Variants in SLC7A14 observed in about 807,000 individuals in gnomAD.
SLC7A14 encodes the protein gamma-aminobutyric acid transporter SLC7A14.
SLC7A14 carries 37 observed loss-of-function variants against 60.2 expected under a neutral mutation model. The observed-to-expected ratio is 0.61, with a 90% CI of 0.47 to 0.81. The LOEUF (loss-of-function observed/expected upper bound fraction) is 0.81. Among genes scored for constraint, SLC7A14 ranks in the 30% least tolerant of loss-of-function variants. The probability of loss-of-function intolerance (pLI) is 0.00; values close to 1 mark genes in which losing one functional copy is unlikely to be tolerated. For missense variants in SLC7A14, 886 were observed against 982.7 expected (o/e 0.90, Z 1.32); for synonymous variants, 399 against 395.8 (o/e 1.01, Z -0.10).
intron 2 of SLC7A14, among the ~76,000 whole-genome samples, chr3:170,503,474 A>G (rs757720766): frequency 2.6e-5 from 4 of 152,154 alleles, no homozygotes; most frequent in Non-Finnish European, 4.4e-5. Flanking sequence ...GTTTGCACAT[A>G]CGGATTAGGT....
chr3:170,480,926 C>T lies in SLC7A14; in HGVS notation c.1356G>A (p.Lys452=), dbSNP rs1210972148. ...KFLSEEHTKK[K]EGILADCEKE... ...TCTCACAGTCAGCCAGAATGCCCTC[C>T]TTCTTCTTGGTGTGCTCCTCAGACA... Residue 452 remains lysine (K), a synonymous_variant, in exon 7 of 8, where the codon AAG becomes AAA. Coordinates refer to ENST00000231706, the MANE Select transcript of SLC7A14 (RefSeq NM_020949.3). 1.9e-6 allele frequency: 3 copies of T among 1,613,902 alleles called. No individual in the cohort carries two copies. Among genetic ancestry groups the T allele is most frequent in the African/African-American group, 2.7e-5 (2 of 74,880 alleles).
intron 4 of SLC7A14, chr3:170,496,220 C>T: frequency 1.1e-6 from 1 of 925,318 alleles, no homozygotes; most frequent in East Asian, 2.4e-5. Flanking sequence ...TCGCTGAGGT[C>T]AAGGCACAGT....
At position 170,483,474 on chromosome 3, in the gene SLC7A14, C is replaced by T. The variant is rs759768867; in HGVS notation, c.955G>A (p.Glu319Lys). The change falls in exon 6 of 8, where the codon GAA becomes AAA. Residue 319 changes from glutamate (E) to lysine (K), a missense_variant. Coordinates refer to ENST00000231706, the MANE Select transcript of SLC7A14 (RefSeq NM_020949.3). ...LMVPYYTIDT[E>K]SPLMEMFVAH... ...ACAAACATCTCCATGAGTGGGGATTCCGTGTCAATGGTATAATATGGCACC... is the reference window on the plus strand; with the variant it reads ...ACAAACATCTCCATGAGTGGGGATTTCGTGTCAATGGTATAATATGGCACC... 1.1e-5 allele frequency: 17 copies of T among 1,614,066 alleles called. No homozygotes were observed. Among genetic ancestry groups the T allele is most frequent in the Admixed American group, 1.7e-5 (1 of 59,994 alleles).
chr3:170,556,866 G>C (rs1417679262), intron 1 of SLC7A14, among the ~76,000 whole-genome samples: 1 of 152,162 alleles, frequency 6.6e-6, no homozygotes, highest in Non-Finnish European at 1.5e-5. Flanking sequence ...ATTATTTCAA[G>C]ATCTACGTTA....
chr3:170,526,614 C>G lies in SLC7A14; in HGVS notation c.304+19G>C. ...GTAAGCACACTTTCCACAGTACTTC[C>G]CTGCATGGAGACACTTACCTGATAA... is the stretch of plus-strand genomic sequence containing the variant. On this transcript the variant is annotated intron_variant, in intron 2 of 7. Coordinates refer to ENST00000231706, the MANE Select transcript of SLC7A14 (RefSeq NM_020949.3). 1.2e-6 allele frequency: 2 copies of G among 1,610,712 alleles called. No individual in the cohort carries two copies. Among genetic ancestry groups the G allele is most frequent in the Non-Finnish European group, 1.7e-6 (2 of 1,178,572 alleles).
chr3:170,570,904 A>T (rs1577571520), intron 1 of SLC7A14, among the ~76,000 whole-genome samples: 1 of 151,986 alleles, frequency 6.6e-6, no homozygotes, highest in African/African-American at 2.4e-5. Context: ...TAAATTGTGT[A>T]GTGGTGAGGT....
In SLC7A14 at chr3:170,532,713, C is replaced by G. The variant is rs1713717329; in HGVS notation, c.-152-5625G>C. The stretch of plus-strand genomic sequence containing the variant: ...GTTGTTGTTCCCTGCTACTGACACC[C>G]TTCCCACCACCTTCACCTCCTTAGG... On this transcript the variant is annotated intron_variant, in intron 1 of 7. Coordinates refer to ENST00000231706, the MANE Select transcript of SLC7A14 (RefSeq NM_020949.3). The surrounding 1 kb of genome is among the most constrained non-coding windows in gnomAD (Gnocchi z 4.0). 6.6e-6 allele frequency among the ~76,000 whole-genome samples: 1 copy of G among 151,990 alleles called. No homozygotes were observed. The highest frequency in any genetic ancestry group is 1.5e-5 in the Non-Finnish European group (1 of 67,992).
chr3:170,474,912 A>G (rs76772421), intron 7 of SLC7A14, among the ~76,000 whole-genome samples: 1,729 of 152,324 alleles, frequency 0.011, 15 homozygotes, highest in African/African-American at 0.024. Context: ...AGGTGGTTAC[A>G]TTATAATAAA....
chr3:170,495,852 G>T, intron 4 of SLC7A14: 1 of 1,182,006 alleles, frequency 8.5e-7, no homozygotes. Context: ...CAACGTATTT[G>T]AGAGCTACAT....
At chr3:170,578,603 C>T (rs1051161203) in intron 1 of SLC7A14, among the ~76,000 whole-genome samples, 1 of 152,110 alleles carries the variant, frequency 6.6e-6, no homozygotes, top group East Asian at 1.9e-4. Flanking sequence ...GCATTACCAA[C>T]CTTATAAAGT....
At chr3:170,501,475 A>T in intron 2 of SLC7A14, 130 bp from the exon 3 acceptor site, 2 of 751,348 alleles carry the variant, frequency 2.7e-6, no homozygotes, top group Non-Finnish European at 4.4e-6. Flanking sequence ...TTTTATGTAT[A>T]TGAATCGATT....
chr3:170,473,155 C>A (rs1359595201), intron 7 of SLC7A14, among the ~76,000 whole-genome samples: 1 of 152,118 alleles, frequency 6.6e-6, no homozygotes, highest in Non-Finnish European at 1.5e-5. Context: ...ACTAGGGTAC[C>A]TTGGCATCAG....
At chr3:170,473,973 A>C (rs943582687) in intron 7 of SLC7A14, among the ~76,000 whole-genome samples, 1 of 152,218 alleles carries the variant, frequency 6.6e-6, no homozygotes, top group Non-Finnish European at 1.5e-5. Flanking sequence ...TGAGCCAGCA[A>C]TTCTAACTCA....
chr3:170,529,895 A>T (rs1386144508), intron 1 of SLC7A14, among the ~76,000 whole-genome samples: 1 of 152,164 alleles, frequency 6.6e-6, no homozygotes, highest in African/African-American at 2.4e-5. Context: ...GATGCCTCAG[A>T]TTGCCACGAA....
At chr3:170,564,524 G>C (rs979339452) in intron 1 of SLC7A14, among the ~76,000 whole-genome samples, 1 of 152,160 alleles carries the variant, frequency 6.6e-6, no homozygotes, top group Non-Finnish European at 1.5e-5. Context: ...TACTGATTTT[G>C]GTTTTATTTC....
intron 7 of SLC7A14, among the ~76,000 whole-genome samples, chr3:170,477,599 T>C (rs1711665004): frequency 6.6e-6 from 1 of 152,242 alleles, no homozygotes; most frequent in Non-Finnish European, 1.5e-5. Context: ...TCATACGGTA[T>C]CTGTACTAGT....
At chr3:170,564,269 C>T (rs528878475) in intron 1 of SLC7A14, among the ~76,000 whole-genome samples, 1 of 152,168 alleles carries the variant, frequency 6.6e-6, no homozygotes, top group African/African-American at 2.4e-5. Flanking sequence ...CCAGAGCCTC[C>T]GAAAAGGCAC....
chr3:170,576,884 C>T (rs937596661), intron 1 of SLC7A14, among the ~76,000 whole-genome samples: 7 of 151,700 alleles, frequency 4.6e-5, no homozygotes, highest in African/African-American at 1.7e-4. Context: ...GTGACATTGC[C>T]TCAGGTTGAG....
At chr3:170,536,556 A>G (rs1467760959) in intron 1 of SLC7A14, among the ~76,000 whole-genome samples, 2 of 152,214 alleles carry the variant, frequency 1.3e-5, no homozygotes, top group African/African-American at 4.8e-5. Context: ...GATTTCCAAA[A>G]TTAACACTGA....
Sources: allele counts gnomAD v4.1 joint callset (sites outside exome capture counted in the v4.1 genomes callset), GRCh38; gene constraint gnomAD v4.1.1; non-coding constraint Gnocchi (gnomAD v3.1); transcripts MANE v1.5; gene names NCBI Gene and HGNC (gene_info 2026-07-23, HGNC 2026-07-21).